The following RBFOX1 variants were observed in gnomAD, a reference collection of about 807,000 sequenced individuals.
RBFOX1 encodes RNA binding protein fox-1 homolog 1.
Under a neutral mutation model 57.7 loss-of-function variants are expected in RBFOX1, and 8 were observed. That is an observed-to-expected ratio of 0.14 (90% CI 0.08 to 0.25). The LOEUF (loss-of-function observed/expected upper bound fraction) is 0.25. Ranked by LOEUF, RBFOX1 falls within the 10% of genes least tolerant of loss-of-function variation. RBFOX1 has a pLI of 1.00. For synonymous variants in RBFOX1, 326 were observed against 222.4 expected, an observed-to-expected ratio of 1.47 and a Z score of -4.15; for missense variants, 611 against 548.5, an observed-to-expected ratio of 1.11 and a Z score of -1.14.
chr16:5,764,294 C>T (rs1490036540), intron 3 of RBFOX1, among the ~76,000 whole-genome samples: 1 of 152,298 alleles, frequency 6.6e-6, no homozygotes, highest in Non-Finnish European at 1.5e-5. Flanking sequence ...CGGCATTCTG[C>T]CTCAATGCTG....
At chr16:7,256,815 C>T (rs571530160) in intron 4 of RBFOX1, among the ~76,000 whole-genome samples, 3 of 152,258 alleles carry the variant, frequency 2.0e-5, no homozygotes, top group South Asian at 2.1e-4. Flanking sequence ...GCTCTCTCAC[C>T]GTTCTACGCA....
At chr16:5,416,926 A>G (rs2067177274) in intron 1 of RBFOX1, among the ~76,000 whole-genome samples, 1 of 152,152 alleles carries the variant, frequency 6.6e-6, no homozygotes, top group African/African-American at 2.4e-5. Flanking sequence ...TCAGATGGAA[A>G]CCAAGGGGAT....
intron 4 of RBFOX1, among the ~76,000 whole-genome samples, chr16:7,505,254 AAAAAG>A (rs1452644167): frequency 6.6e-6 from 1 of 151,948 alleles, no homozygotes; most frequent in Non-Finnish European, 1.5e-5. Context: ...AAAAAAAAAA[AAAAAG>A]GAAACCAGAC....
intron 2 of RBFOX1, among the ~76,000 whole-genome samples, chr16:6,402,460 C>T (rs1283215270): frequency 6.6e-6 from 1 of 152,160 alleles, no homozygotes; most frequent in African/African-American, 2.4e-5. Context: ...AATGCACTTT[C>T]ATTGGAATTC....
In RBFOX1 at chr16:6,861,492, C is replaced by CT. The variant is rs201458135; in HGVS notation, c.-15-190565_-15-190564insT. The stretch of plus-strand genomic sequence containing the variant: ...TGATTCCCCTCCCAACCCCCTCCCC[C>CT]CCCGACTCAATTACAAGAATAATTG... On this transcript the variant is annotated intron_variant, in intron 3 of 15. Transcript: ENST00000550418. Among the ~76,000 whole-genome samples, 33 of 151,370 alleles carry CT rather than the reference C, an allele frequency of 2.2e-4. No homozygotes were observed. In the East Asian group the frequency reaches 5.7e-3, roughly 26 times the overall value.
chr16:7,185,767 C>T (rs9931068), intron 4 of RBFOX1, among the ~76,000 whole-genome samples: 44,245 of 152,076 alleles, frequency 0.29, 7,949 homozygotes, highest in African/African-American at 0.5. Flanking sequence ...CCTTCTGAAA[C>T]TGTAAAGTCT....
intron 4 of RBFOX1, among the ~76,000 whole-genome samples, chr16:5,981,093 TCA>T (rs1179103728): frequency 6.6e-6 from 1 of 152,142 alleles, no homozygotes; most frequent in Non-Finnish European, 1.5e-5. Context: ...ACCTTTGATA[TCA>T]GTTTGGGAGC....
chr16:6,920,248 A>T (rs1597249518), intron 3 of RBFOX1, among the ~76,000 whole-genome samples: 1 of 78,554 alleles, frequency 1.3e-5, no homozygotes, highest in Non-Finnish European at 2.9e-5. Context: ...ATGGGTATGC[A>T]CATGTGTTTT....
intron 3 of RBFOX1, among the ~76,000 whole-genome samples, chr16:6,949,579 C>G (rs964493593): frequency 6.6e-6 from 1 of 151,552 alleles, no homozygotes; most frequent in Non-Finnish European, 1.5e-5. Flanking sequence ...CTCACTTGGC[C>G]TTTTTTTTTG....
intron 4 of RBFOX1, among the ~76,000 whole-genome samples, chr16:7,505,067 C>T (rs1478619749): frequency 5.3e-5 from 8 of 150,958 alleles, no homozygotes; most frequent in Non-Finnish European, 1.0e-4. Flanking sequence ...CTCAGTGCCC[C>T]GAGGTGCTGA....
At chr16:6,885,060 T>C (rs896612289) in intron 3 of RBFOX1, among the ~76,000 whole-genome samples, 2 of 152,172 alleles carry the variant, frequency 1.3e-5, no homozygotes, top group African/African-American at 4.8e-5. Flanking sequence ...TAATATGAAA[T>C]CTCCTGCAGA....
chr16:6,738,536 A>T (rs1603483027), intron 3 of RBFOX1, among the ~76,000 whole-genome samples: 1 of 152,244 alleles, frequency 6.6e-6, no homozygotes, highest in Non-Finnish European at 1.5e-5. Context: ...ACCCACAGTT[A>T]TAATTGTAAA....
intron 13 of RBFOX1, among the ~76,000 whole-genome samples, chr16:7,675,728 C>T (rs2073082228): frequency 6.7e-6 from 1 of 149,594 alleles, no homozygotes; most frequent in African/African-American, 2.6e-5. Flanking sequence ...TGTTGTATAC[C>T]TTCTCACACA....
intron 15 of RBFOX1, chr16:7,709,491 T>G: frequency 6.8e-7 from 1 of 1,477,130 alleles, no homozygotes; most frequent in Non-Finnish European, 8.9e-7. Context: ...CTCATTCACA[T>G]AGCCCCAAGG....
chr16:5,719,962 C>T (rs925661241), intron 3 of RBFOX1, among the ~76,000 whole-genome samples: 11 of 151,996 alleles, frequency 7.2e-5, no homozygotes, highest in African/African-American at 2.7e-4. Flanking sequence ...TTCCCCGCCC[C>T]GCCCCCATGA....
At chr16:7,443,423 T>C (rs968002645) in intron 4 of RBFOX1, among the ~76,000 whole-genome samples, 4 of 150,890 alleles carry the variant, frequency 2.7e-5, no homozygotes, top group African/African-American at 9.8e-5. Flanking sequence ...CTTCAAGAGC[T>C]CCCCCTCCCC....
intron 3 of RBFOX1, among the ~76,000 whole-genome samples, chr16:7,029,179 C>T (rs140029482): frequency 0.037 from 1,367 of 36,822 alleles, 148 homozygotes; most frequent in East Asian, 0.29. Context: ...TATACGTATA[C>T]GTGTATATAT....
At position 6,498,336 on chromosome 16, in the gene RBFOX1, A is replaced by C. The variant is rs559114759; in HGVS notation, c.-63-156267A>C. On this transcript the variant is annotated intron_variant, in intron 2 of 15. Transcript: ENST00000550418. ...TACTGAGATAGTAGAATTTAGAGAG[A>C]CTTATGAGCAGAAATATATATTGAC... 4.6e-5 allele frequency among the ~76,000 whole-genome samples: 7 copies of C among 152,228 alleles called. No individual in the cohort carries two copies. The South Asian group carries it at 1.5e-3, about 32-fold the overall frequency.
chr16:6,136,137 C>G (rs561239940), intron 1 of RBFOX1, among the ~76,000 whole-genome samples: 2 of 152,170 alleles, frequency 1.3e-5, no homozygotes, highest in African/African-American at 4.8e-5. Flanking sequence ...CTTTGTTAGA[C>G]CATTGCTAAG....
Sources: gnomAD v4.1 joint callset for allele counts (sites outside exome capture counted in the v4.1 genomes callset) on GRCh38, gnomAD v4.1.1 for gene constraint, MANE v1.5 for transcripts, NCBI Gene and HGNC (gene_info 2026-07-23, HGNC 2026-07-21) for gene names.